CSMD1: variants seen among roughly 807,000 people sequenced by gnomAD.
CSMD1 encodes CUB and Sushi multiple domains 1, also known as CUB and sushi domain-containing protein 1.
A neutral mutation model predicts 417.5 loss-of-function variants in CSMD1; 213 were observed. The ratio of observed to expected loss-of-function variants is 0.51; its 90% CI spans 0.46 to 0.57. CSMD1 has a LOEUF of 0.57. Among genes scored for constraint, CSMD1 ranks in the 20% least tolerant of loss-of-function variants. The probability of loss-of-function intolerance (pLI) is 0.00; values close to 1 mark genes in which losing one functional copy is unlikely to be tolerated. For synonymous variants in CSMD1, 2,862 were observed against 1,736.8 expected (o/e 1.65, Z -16.11); for missense variants, 6,923 against 4,529.7 (o/e 1.53, Z -15.17).
chr8:4,037,276 T>C (rs1353036814), intron 3 of CSMD1, among the ~76,000 whole-genome samples: 3 of 152,204 alleles, frequency 2.0e-5, no homozygotes, highest in Non-Finnish European at 4.4e-5. Flanking sequence ...AATTAACCTG[T>C]GGGAAAATTG....
At chr8:3,211,273 G>T (rs1302881709) in intron 30 of CSMD1, among the ~76,000 whole-genome samples, 1 of 152,078 alleles carries the variant, frequency 6.6e-6, no homozygotes, top group African/African-American at 2.4e-5. Flanking sequence ...TTGAATTCTG[G>T]TCCTCAAGCG....
rs1801961634 is a variant in CSMD1 at position 4,364,583 on chromosome 8, G to C, written c.415+55370C>G. Among the ~76,000 whole-genome samples the C allele has an allele frequency of 1.2e-4, 2 of 17,204 alleles. 1 individual carries two copies. Among genetic ancestry groups the C allele is most frequent in the African/African-American group, 2.0e-3 (2 of 1,010 alleles). 11.3% of individuals were successfully genotyped at this position (17,204 alleles called of 152,430 possible). On this transcript the variant is annotated intron_variant, in intron 3 of 69. Transcript: ENST00000635120. ...CTCACGCCTGTAATCCCAGCACTTT[G>C]GGAGGCCGAGGCGGGCGGATCACGA...
chr8:4,042,871 T>C (rs1230351107), intron 3 of CSMD1, among the ~76,000 whole-genome samples: 1 of 122,132 alleles, frequency 8.2e-6, no homozygotes, highest in Admixed American at 9.0e-5. Flanking sequence ...CTCATGCCTA[T>C]AATCCCAGTA....
At chr8:3,656,380 T>A (rs920047982) in intron 7 of CSMD1, among the ~76,000 whole-genome samples, 2 of 151,130 alleles carry the variant, frequency 1.3e-5, no homozygotes, top group Non-Finnish European at 2.9e-5. Context: ...AGATGACACC[T>A]GCTTTCTCTT....
chr8:3,488,862 G>T (rs1818208633), intron 11 of CSMD1, among the ~76,000 whole-genome samples: 1 of 152,142 alleles, frequency 6.6e-6, no homozygotes. Flanking sequence ...GGGATCATGT[G>T]ATTCCAGAGT....
At chr8:4,788,265 G>C (rs183615511) in intron 1 of CSMD1, 1 of 1,586,328 alleles carries the variant, frequency 6.3e-7, no homozygotes, top group Non-Finnish European at 8.6e-7. Flanking sequence ...GTATGAAAGG[G>C]ATGGCATTCC....
chr8:3,926,079 CCATACACACACACACACA>C (rs1809666590), intron 5 of CSMD1, among the ~76,000 whole-genome samples: 7 of 81,430 alleles, frequency 8.6e-5, no homozygotes, highest in African/African-American at 2.8e-4. Flanking sequence ...CACACAAACA[CCATACACACACACACACA>C]CACACACACA....
At chr8:3,517,777 G>C (rs950799706) in intron 10 of CSMD1, among the ~76,000 whole-genome samples, 1 of 152,128 alleles carries the variant, frequency 6.6e-6, no homozygotes, top group Non-Finnish European at 1.5e-5. Flanking sequence ...TGGGAAATTT[G>C]TAACAAAAAA....
chr8:4,291,295 A>T (rs1797346383), intron 3 of CSMD1, among the ~76,000 whole-genome samples: 1 of 152,138 alleles, frequency 6.6e-6, no homozygotes, highest in Admixed American at 6.6e-5. Flanking sequence ...TTAAAAGTCA[A>T]GATATTTAAA....
At chr8:4,759,434 A>C (rs1676959) in intron 1 of CSMD1, among the ~76,000 whole-genome samples, 2 of 152,050 alleles carry the variant, frequency 1.3e-5, no homozygotes, top group African/African-American at 2.4e-5. Context: ...TCAAGGGTAC[A>C]TGTGCAGAAT....
intron 6 of CSMD1, among the ~76,000 whole-genome samples, chr8:3,733,269 T>C (rs868587273): frequency 2.3e-4 from 23 of 101,046 alleles, no homozygotes; most frequent in Middle Eastern, 4.9e-3. Flanking sequence ...CACATACACA[T>C]ATTTATATAT....
In CSMD1 at chr8:3,851,346, T is replaced by A. The variant is rs991264566; in HGVS notation, c.819-97304A>T. The stretch of plus-strand genomic sequence containing the variant: ...TGGGAAATTCCAACTTGATAGCCCA[T>A]CCATTCCCCAAATGGCCATCCCTGA... On this transcript the variant is annotated intron_variant, in intron 5 of 69. Transcript: ENST00000635120. 3.3e-5 allele frequency among the ~76,000 whole-genome samples: 5 copies of A among 152,210 alleles called. No homozygotes were observed. The East Asian group carries it at 9.6e-4, about 29-fold the overall frequency.
At chr8:2,966,773 C>A (rs750509509) in intron 57 of CSMD1, 27 bp from the exon 58 acceptor site, 50 of 1,607,272 alleles carry the variant, frequency 3.1e-5, no homozygotes, top group Non-Finnish European at 4.2e-5. Context: ...AACACCACCA[C>A]ACACAGTGAG....
At chr8:4,157,699 G>T (rs1194795936) in intron 3 of CSMD1, among the ~76,000 whole-genome samples, 1 of 152,332 alleles carries the variant, frequency 6.6e-6, no homozygotes, top group African/African-American at 2.4e-5. Context: ...CCGGCCTTGG[G>T]TGGGTCTGCA....
intron 3 of CSMD1, among the ~76,000 whole-genome samples, chr8:4,213,712 G>T (rs982660000): frequency 1.3e-5 from 2 of 152,206 alleles, no homozygotes; most frequent in East Asian, 1.9e-4. Context: ...GTGGGCTCCT[G>T]TGTGATTTCC....
chr8:4,096,819 C>G (rs115513311), intron 3 of CSMD1, among the ~76,000 whole-genome samples: 2,558 of 152,258 alleles, frequency 0.017, 84 homozygotes, highest in African/African-American at 0.058. Context: ...ACCCATCATT[C>G]TTGATATATT....
intron 5 of CSMD1, among the ~76,000 whole-genome samples, chr8:3,852,081 C>A (rs1284813554): frequency 6.6e-6 from 1 of 152,094 alleles, no homozygotes; most frequent in African/African-American, 2.4e-5. Flanking sequence ...GAGATCTTTG[C>A]AGAAAAGGAA....
At chr8:4,022,916 G>C (rs919654516) in intron 4 of CSMD1, among the ~76,000 whole-genome samples, 1 of 152,224 alleles carries the variant, frequency 6.6e-6, no homozygotes, top group African/African-American at 2.4e-5. Context: ...GAAAGCAAGT[G>C]TGCAACTAAG....
intron 3 of CSMD1, among the ~76,000 whole-genome samples, chr8:4,326,012 G>A (rs545834329): frequency 5.9e-5 from 9 of 152,118 alleles, no homozygotes; most frequent in African/African-American, 2.2e-4. Context: ...AAAGACGTTG[G>A]CTCGCTATTT....
Sources: allele counts gnomAD v4.1 joint callset (sites outside exome capture counted in the v4.1 genomes callset), GRCh38; gene constraint gnomAD v4.1.1; transcripts MANE v1.5; gene names NCBI Gene and HGNC (gene_info 2026-07-23, HGNC 2026-07-21).